Variants in C5orf15 observed in about 807,000 individuals in gnomAD.
The protein encoded by C5orf15 is chromosome 5 open reading frame 15.
In C5orf15, 10 loss-of-function variants were observed where a neutral mutation model predicts 17.8. The ratio of observed to expected loss-of-function variants is 0.56; its 90% CI spans 0.35 to 0.95. The LOEUF (loss-of-function observed/expected upper bound fraction) is 0.95, where lower values mean the gene tolerates loss of function less well. Among genes scored for constraint, C5orf15 ranks in the 40% least tolerant of loss-of-function variants. The pLI, the probability that C5orf15 is intolerant of heterozygous loss-of-function variation, is 0.02. For missense variants in C5orf15, 319 were observed against 331.7 expected (o/e 0.96, Z 0.30); for synonymous variants, 124 against 131.0 (o/e 0.95, Z 0.36).
intron 2 of C5orf15, among the ~76,000 whole-genome samples, chr5:133,958,576 C>CAAAAAAAAAAA (rs71581378): frequency 2.8e-4 from 9 of 32,002 alleles, no homozygotes; most frequent in African/African-American, 7.1e-4. Context: ...AGCTCTGTCT[C>CAAAAAAAAAAA]AAAAAAAAAA....
chr5:133,964,480 C>A (rs955246624), intron 1 of C5orf15, among the ~76,000 whole-genome samples: 2 of 152,018 alleles, frequency 1.3e-5, no homozygotes, highest in Admixed American at 1.3e-4. Context: ...ATGGTAATGC[C>A]CCGTATTTTG....
At position 133,968,595 on chromosome 5, in the gene C5orf15, G is replaced by T. The variant is rs1752232603; in HGVS notation, c.-11C>A. The T allele has an allele frequency of 6.2e-7, 1 of 1,602,010 alleles. No homozygotes were observed. Among genetic ancestry groups the T allele is most frequent in the African/African-American group, 1.3e-5 (1 of 74,906 alleles). On this transcript the variant is annotated 5_prime_UTR_variant, in exon 1 of 3. Coordinates refer to ENST00000231512, the MANE Select transcript of C5orf15 (RefSeq NM_020199.3). ...GACGGCAGCGGCCATAACGGACTCGGCTGGGAGCCTGCGCTGTTGCTAGGC... is the reference window on the plus strand; with the variant it reads ...GACGGCAGCGGCCATAACGGACTCGTCTGGGAGCCTGCGCTGTTGCTAGGC...
At chr5:133,964,696 A>G (rs1425225013) in intron 1 of C5orf15, among the ~76,000 whole-genome samples, 1 of 152,186 alleles carries the variant, frequency 6.6e-6, no homozygotes, top group Non-Finnish European at 1.5e-5. Flanking sequence ...CTTAGTCTCC[A>G]TCTCAATTAA....
In C5orf15 at chr5:133,968,390, G is replaced by A. The variant is rs577881498; in HGVS notation, c.139+56C>T. 2.3e-5 allele frequency: 36 copies of A among 1,574,520 alleles called. No individual in the cohort carries two copies. In the Admixed American group the frequency reaches 6.5e-4, roughly 29 times the overall value. ...CTTTCCCTGGCCCGGCCTGTCTCCT[G>A]CCCTGCGCCCGAGCCCTCCTAGCCT... On this transcript the variant is annotated intron_variant, in intron 1 of 2. Coordinates refer to ENST00000231512, the MANE Select transcript of C5orf15 (RefSeq NM_020199.3).
chr5:133,962,476 T>C (rs897627713), intron 1 of C5orf15, among the ~76,000 whole-genome samples: 44 of 152,208 alleles, frequency 2.9e-4, no homozygotes, highest in Admixed American at 2.7e-3. Context: ...TAAATGCCTC[T>C]AGCTTTGATT....
At chr5:133,968,025 C>G (rs1001577982) in intron 1 of C5orf15, among the ~76,000 whole-genome samples, 2 of 152,104 alleles carry the variant, frequency 1.3e-5, no homozygotes, top group East Asian at 3.9e-4. Flanking sequence ...ACCACACCCC[C>G]AGCCCCGGCC....
Position 133,955,670 on chromosome 5 carries a change from A to T in C5orf15, c.*1189T>A, listed in dbSNP as rs915934527. The T allele has an allele frequency of 6.6e-6, 1 of 152,666 alleles. No individual in the cohort carries two copies. The highest frequency in any genetic ancestry group is 2.1e-4 in the South Asian group (1 of 4,834). 9.5% of individuals were successfully genotyped at this position (152,666 alleles called of 1,614,324 possible). A position where few individuals can be genotyped will look rare whatever the true frequency, so the allele number is the denominator to read the frequency against. ...GTACACTGTCCGCCCAAGAGACAGGATGGACGGCCTTCTTCCAGCTCTACA... is the reference window on the plus strand; with the variant it reads ...GTACACTGTCCGCCCAAGAGACAGGTTGGACGGCCTTCTTCCAGCTCTACA... On this transcript the variant is annotated 3_prime_UTR_variant, in exon 3 of 3. Coordinates refer to ENST00000231512, the MANE Select transcript of C5orf15 (RefSeq NM_020199.3).
chr5:133,959,430 AACCATG>A, intron 2 of C5orf15, 58 bp downstream of exon 2: 1 of 634,756 alleles, frequency 1.6e-6, no homozygotes, highest in Non-Finnish European at 2.4e-6. Flanking sequence ...AAAAAAAAAG[AACCATG>A]AATCATCAAA....
chr5:133,961,232 T>TAAAAAAAAAAAAAAAA (rs56684565), intron 1 of C5orf15, among the ~76,000 whole-genome samples: 1 of 30,440 alleles, frequency 3.3e-5, no homozygotes, highest in Non-Finnish European at 5.7e-5. Flanking sequence ...AGTCAGTTAG[T>TAAAAAAAAAAAAAAAA]AAAAAAAAAA....
At chr5:133,965,788 G>A (rs1410583197) in intron 1 of C5orf15, among the ~76,000 whole-genome samples, 4 of 152,204 alleles carry the variant, frequency 2.6e-5, no homozygotes, top group African/African-American at 4.8e-5. Flanking sequence ...AGCTGAGCAC[G>A]GTGGCAGGCA....
At position 133,955,826 on chromosome 5, in the gene C5orf15, T is replaced by C. The variant is rs1752035797; in HGVS notation, c.*1033A>G. On this transcript the variant is annotated 3_prime_UTR_variant, in exon 3 of 3. Coordinates refer to ENST00000231512, the MANE Select transcript of C5orf15 (RefSeq NM_020199.3). ...ACATATTTACATATTGATCAATTCT[T>C]TATGATAGAAAGACAGACATAAATG... 6.6e-6 allele frequency: 1 copy of C among 152,274 alleles called. No homozygotes were observed. The highest frequency in any genetic ancestry group is 2.1e-4 in the South Asian group (1 of 4,830). The allele number at this position is 152,274 out of a possible 1,614,324, so 9.4% of individuals were successfully genotyped here.
chr5:133,968,522 C>T lies in C5orf15; in HGVS notation c.63G>A (p.Ser21=). 1 of 1,607,958 alleles carries T rather than the reference C, an allele frequency of 6.2e-7. No individual in the cohort carries two copies. The highest frequency in any genetic ancestry group is 1.7e-4 in the Middle Eastern group (1 of 6,034). Residue 21 remains serine (S), a synonymous_variant, in exon 1 of 3, where the codon TCG becomes TCA. Coordinates refer to ENST00000231512, the MANE Select transcript of C5orf15 (RefSeq NM_020199.3). ...GPAQAKLLPG[S]AIQALVGLAR... Reference sequence around the variant, plus strand: ...CCAACCCCACAAGGGCTTGGATGGCCGACCCGGGCAGCAGTTTCGCTTGTG... The same window carrying T: ...CCAACCCCACAAGGGCTTGGATGGCTGACCCGGGCAGCAGTTTCGCTTGTG...
intron 1 of C5orf15, among the ~76,000 whole-genome samples, chr5:133,961,221 T>C (rs1752117079): frequency 1.0e-5 from 1 of 99,592 alleles, no homozygotes; most frequent in African/African-American, 4.1e-5. Context: ...AAAAATAATG[T>C]AGTCAGTTAG....
intron 1 of C5orf15, among the ~76,000 whole-genome samples, chr5:133,965,680 C>T (rs982834562): frequency 6.6e-6 from 1 of 152,232 alleles, no homozygotes; most frequent in Non-Finnish European, 1.5e-5. Flanking sequence ...AACCCTAGCA[C>T]TTTGGGAGGC....
At position 133,968,451 on chromosome 5, in the gene C5orf15, G is replaced by T; in HGVS notation, c.134C>A (p.Ser45Tyr). The T allele has an allele frequency of 1.2e-6, 2 of 1,604,536 alleles. No homozygotes were observed. The highest frequency in any genetic ancestry group is 2.2e-5 in the South Asian group (2 of 89,284). ...ACACTGCCGCCCCCCTTTACCACTG[G>T]ATAGAGCGGCGGACACAAGCAGGAG... Reference protein sequence around the residue: ...LALLLVSAALSSVVSRTDSPS... With the variant: ...LALLLVSAALYSVVSRTDSPS... Residue 45 changes from serine to tyrosine, a missense_variant, in exon 1 of 3, where the codon TCC becomes TAC. Ser to Tyr is a moderately radical substitution (Grantham distance 144). Transcript: ENST00000231512.
At chr5:133,961,232 TAAA>T (rs56684565) in intron 1 of C5orf15, among the ~76,000 whole-genome samples, 3 of 30,438 alleles carry the variant, frequency 9.9e-5, no homozygotes, top group African/African-American at 3.0e-4. Flanking sequence ...AGTCAGTTAG[TAAA>T]AAAAAAAAAA....
Position 133,968,597 on chromosome 5 carries a change from T to C in C5orf15, c.-13A>G. 21 of 1,601,044 alleles carry C rather than the reference T, an allele frequency of 1.3e-5. No homozygotes were observed. Among genetic ancestry groups the C allele is most frequent in the Non-Finnish European group, 1.8e-5 (21 of 1,174,386 alleles). ...CGGCAGCGGCCATAACGGACTCGGC[T>C]GGGAGCCTGCGCTGTTGCTAGGCTC... On this transcript the variant is annotated 5_prime_UTR_variant, in exon 1 of 3. Coordinates refer to ENST00000231512, the MANE Select transcript of C5orf15 (RefSeq NM_020199.3).
intron 1 of C5orf15, 70 bp downstream of exon 1, chr5:133,968,376 C>G: frequency 6.4e-7 from 1 of 1,550,516 alleles, no homozygotes; most frequent in Non-Finnish European, 8.7e-7. Flanking sequence ...TTTCCCTGGC[C>G]CGGCCTGTCT....
At chr5:133,963,474 T>G (rs986741675) in intron 1 of C5orf15, among the ~76,000 whole-genome samples, 1 of 152,158 alleles carries the variant, frequency 6.6e-6, no homozygotes, top group African/African-American at 2.4e-5. Context: ...AACTAAAAGC[T>G]CTGAACATTA....
Sources: gnomAD v4.1 joint callset for allele counts (sites outside exome capture counted in the v4.1 genomes callset) on GRCh38, gnomAD v4.1.1 for gene constraint, MANE v1.5 for transcripts, NCBI Gene and HGNC (gene_info 2026-07-23, HGNC 2026-07-21) for gene names.